The following XKR6 variants were observed in gnomAD, a reference collection of about 807,000 sequenced individuals.
XKR6 encodes XK related 6, also known as XK-related protein 6.
XKR6 carries 22 observed loss-of-function variants against 56.7 expected under a neutral mutation model. The observed-to-expected ratio is 0.39, with a 90% CI of 0.28 to 0.55. The LOEUF is 0.55. Ranked by LOEUF, XKR6 falls within the 20% of genes least tolerant of loss-of-function variation. XKR6 has a pLI of 0.66. For synonymous variants in XKR6, 524 were observed against 387.8 expected (o/e 1.35, Z -4.13); for missense variants, 852 against 889.0 (o/e 0.96, Z 0.53).
intron 1 of XKR6, among the ~76,000 whole-genome samples, chr8:11,192,875 C>T (rs999974524): frequency 2.0e-5 from 3 of 152,174 alleles, no homozygotes; most frequent in African/African-American, 4.8e-5. Context: ...CAGGCACCTG[C>T]CCTCTGGAGG....
intron 1 of XKR6, among the ~76,000 whole-genome samples, chr8:10,954,560 T>G (rs551139828): frequency 4.6e-5 from 7 of 152,346 alleles, no homozygotes; most frequent in African/African-American, 1.4e-4. Flanking sequence ...ATACAAGTCC[T>G]TAATCAAACA....
At chr8:11,030,082 A>T (rs10102241) in intron 1 of XKR6, among the ~76,000 whole-genome samples, 40,187 of 152,034 alleles carry the variant, frequency 0.26, 11,699 homozygotes, top group African/African-American at 0.73. Flanking sequence ...GTATTCCCAG[A>T]CTGCAGGAGT....
rs1384266689 is a variant in XKR6 at position 10,897,516 on chromosome 8, G to GTTTGT, written c.*431_*435dup. The GTTTGT allele has an allele frequency of 3.3e-5, 5 of 153,830 alleles. No individual in the cohort carries two copies. The highest frequency in any genetic ancestry group is 3.8e-4 in the East Asian group (2 of 5,224). 9.5% of individuals were successfully genotyped at this position (153,830 alleles called of 1,614,324 possible). A position where few individuals can be genotyped will look rare whatever the true frequency, so the allele number is the denominator to read the frequency against. On this transcript the variant is annotated 3_prime_UTR_variant, in exon 3 of 3. Coordinates refer to ENST00000416569, the MANE Select transcript of XKR6 (RefSeq NM_173683.4). ...AGTTGAAGGTTTTTTGTTTGTTTGT[G>GTTTGT]TTTGTTTTGTTTTGTTTTGTTCTTT...
intron 1 of XKR6, among the ~76,000 whole-genome samples, chr8:11,169,090 C>G (rs944973116): frequency 6.6e-6 from 1 of 152,182 alleles, no homozygotes; most frequent in Non-Finnish European, 1.5e-5. Context: ...CCAGGCCAAG[C>G]TGAGTAGGCT....
chr8:11,165,322 A>C (rs1802018885), intron 1 of XKR6, among the ~76,000 whole-genome samples: 1 of 150,646 alleles, frequency 6.6e-6, no homozygotes, highest in Non-Finnish European at 1.5e-5. Flanking sequence ...CTGGTCTTGA[A>C]CTCCTGACCT....
chr8:10,981,421 G>T (rs143246679), intron 1 of XKR6, among the ~76,000 whole-genome samples: 1 of 152,220 alleles, frequency 6.6e-6, no homozygotes, highest in East Asian at 1.9e-4. Context: ...ACAAGGCTTG[G>T]TGATGATCAG....
intron 1 of XKR6, among the ~76,000 whole-genome samples, chr8:10,991,161 C>A (rs911665983): frequency 1.3e-5 from 2 of 152,246 alleles, no homozygotes; most frequent in African/African-American, 4.8e-5. Context: ...GTCTCAGCCT[C>A]CCAAAGTGCT....
chr8:10,935,604 T>G (rs922322067), intron 1 of XKR6, among the ~76,000 whole-genome samples: 4 of 151,464 alleles, frequency 2.6e-5, no homozygotes, highest in Admixed American at 2.6e-4. Flanking sequence ...GTTGTGTCTT[T>G]GTTCTCATTG....
At chr8:11,062,907 C>T (rs1799873909) in intron 1 of XKR6, 2 of 454,576 alleles carry the variant, frequency 4.4e-6, no homozygotes, top group African/African-American at 4.0e-5. Flanking sequence ...GAAATTCCCC[C>T]ACAGGTAATT....
chr8:10,955,154 C>T (rs1194694589), intron 1 of XKR6, among the ~76,000 whole-genome samples: 2 of 152,062 alleles, frequency 1.3e-5, no homozygotes, highest in African/African-American at 4.8e-5. Context: ...CAGGTGTGAG[C>T]CACTGCACCC....
chr8:10,911,692 A>C (rs1261420396), intron 2 of XKR6, among the ~76,000 whole-genome samples: 1 of 149,186 alleles, frequency 6.7e-6, no homozygotes, highest in Non-Finnish European at 1.5e-5. Flanking sequence ...GGGTGAGTAT[A>C]TATATACACA....
intron 1 of XKR6, among the ~76,000 whole-genome samples, chr8:11,164,782 C>G (rs1340465735): frequency 6.6e-6 from 1 of 152,156 alleles, no homozygotes; most frequent in Non-Finnish European, 1.5e-5. Flanking sequence ...ATCCATTTGT[C>G]ACATGTAAAA....
At chr8:10,984,732 C>CTCTCTCTCTCTCTCTCTCTATATATA in intron 1 of XKR6, among the ~76,000 whole-genome samples, 27 of 47,476 alleles carry the variant, frequency 5.7e-4, no homozygotes, top group Non-Finnish European at 8.4e-4. Context: ...CTCTCTCTCT[C>CTCTCTCTCTCTCTCTCTCTATATATA]TATATATATA....
intron 1 of XKR6, among the ~76,000 whole-genome samples, chr8:11,016,699 C>T (rs1324301497): frequency 6.6e-6 from 1 of 152,222 alleles, no homozygotes; most frequent in Non-Finnish European, 1.5e-5. Flanking sequence ...TCCGCCTCTG[C>T]CTCCGCGGCC....
intron 1 of XKR6, among the ~76,000 whole-genome samples, chr8:11,089,718 G>C (rs1236069145): frequency 6.6e-6 from 1 of 152,228 alleles, no homozygotes; most frequent in East Asian, 1.9e-4. Flanking sequence ...CACCCACTCA[G>C]CTTTGACAAA....
rs969230754 is a variant in XKR6 at position 10,898,787 on chromosome 8, C to T, written c.1091G>A (p.Arg364His). ...CACTCGGGATGAGATGGTGAAGAGGCGCCAGAAGACCTGGATGATGGCCCC... is the reference window on the plus strand; with the variant it reads ...CACTCGGGATGAGATGGTGAAGAGGTGCCAGAAGACCTGGATGATGGCCCC... ...YRGAIIQVFW[R>H]LFTISSRVIS... The change falls in exon 3 of 3, where the codon CGC becomes CAC. Residue 364 changes from arginine (R) to histidine (H), a missense_variant. By Grantham distance (29) the Arg-to-His change is conservative. This residue lies in a region of XKR6 where 199 missense variants were observed against 280.4 expected (regional missense o/e 0.71). Transcript: ENST00000416569. This position sits in a 1 kb window ranked among gnomAD's most constrained non-coding sequence, Gnocchi z 6.6. The T allele has an allele frequency of 2.0e-5, 33 of 1,614,008 alleles. No homozygotes were observed. The highest frequency in any genetic ancestry group is 2.6e-5 in the Non-Finnish European group (31 of 1,180,034).
intron 1 of XKR6, among the ~76,000 whole-genome samples, chr8:11,151,001 T>C (rs1801242473): frequency 6.6e-6 from 1 of 152,150 alleles, no homozygotes; most frequent in South Asian, 2.1e-4. Flanking sequence ...TTTCCTTAAC[T>C]TAAAATTATG....
intron 1 of XKR6, among the ~76,000 whole-genome samples, chr8:11,083,406 G>A (rs1004012647): frequency 1.3e-5 from 2 of 152,208 alleles, no homozygotes; most frequent in East Asian, 1.9e-4. Flanking sequence ...GGAGCCACCT[G>A]TCAGGGAATG....
At chr8:11,156,962 T>C (rs1801553655) in intron 1 of XKR6, among the ~76,000 whole-genome samples, 3 of 152,098 alleles carry the variant, frequency 2.0e-5, no homozygotes, top group Admixed American at 2.0e-4. Context: ...GCAAACAGGA[T>C]TTTAACCAAG....
Sources: allele counts gnomAD v4.1 joint callset (sites outside exome capture counted in the v4.1 genomes callset), GRCh38; gene constraint gnomAD v4.1.1; regional missense constraint gnomAD v4.1.1; non-coding constraint Gnocchi (gnomAD v3.1); transcripts MANE v1.5; gene names NCBI Gene and HGNC (gene_info 2026-07-23, HGNC 2026-07-21).